Variants in ETV1 observed in about 807,000 individuals in gnomAD.
ETV1 encodes ETS variant transcription factor 1.
A neutral mutation model predicts 62.3 loss-of-function variants in ETV1; 27 were observed. The observed-to-expected ratio is 0.43, with a 90% CI of 0.32 to 0.60. The LOEUF is 0.60. Among genes scored for constraint, ETV1 ranks in the 20% least tolerant of loss-of-function variants. The pLI is 0.06. For missense variants in ETV1, 605 were observed against 605.8 expected, an observed-to-expected ratio of 1.00 and a Z score of 0.01; for synonymous variants, 222 against 199.6, an observed-to-expected ratio of 1.11 and a Z score of -0.94.
chr7:13,960,403 T>G (rs1408399928), intron 6 of ETV1, among the ~76,000 whole-genome samples: 12 of 152,186 alleles, frequency 7.9e-5, no homozygotes, highest in Admixed American at 7.9e-4. Context: ...ACTGAGTTAT[T>G]CAATACTCAT....
chr7:13,973,500 A>G (rs1781104157), intron 6 of ETV1, among the ~76,000 whole-genome samples: 1 of 152,198 alleles, frequency 6.6e-6, no homozygotes, highest in Non-Finnish European at 1.5e-5. Context: ...AATCCTCTTT[A>G]GTATCTAATA....
Position 13,896,054 on chromosome 7 carries a change from A to G in ETV1, c.1246T>C (p.Cys416Arg). The change falls in exon 14 of 14, where the codon TGT becomes CGT. Residue 416 changes from cysteine to arginine, a missense_variant. Physicochemically the swap from Cys to Arg is radical, Grantham distance 180. Around this residue, in one of 3 missense-constraint regions of ETV1, gnomAD observed 100 missense variants for 156.4 expected, o/e 0.64. Coordinates refer to ENST00000430479, the MANE Select transcript of ETV1 (RefSeq NM_004956.5). ...AGERYVYKFVCDPEALFSMAF... is the reference protein window; with the variant it reads ...AGERYVYKFVRDPEALFSMAF... ...ATGGAGAAAAGGGCTTCTGGATCAC[A>G]CACAAACTTGTAGACATATCTCTCT... 1 of 1,613,720 alleles carries G rather than the reference A, an allele frequency of 6.2e-7. No individual in the cohort carries two copies. Among genetic ancestry groups the G allele is most frequent in the Non-Finnish European group, 8.5e-7 (1 of 1,179,832 alleles).
At chr7:13,948,012 C>T (rs1420384089) in intron 6 of ETV1, among the ~76,000 whole-genome samples, 6 of 152,188 alleles carry the variant, frequency 3.9e-5, no homozygotes, top group Non-Finnish European at 8.8e-5. Flanking sequence ...GTACTATATT[C>T]TTGGCACGTG....
At chr7:13,932,464 C>G (rs1262909979) in intron 8 of ETV1, among the ~76,000 whole-genome samples, 1 of 152,104 alleles carries the variant, frequency 6.6e-6, no homozygotes, top group East Asian at 1.9e-4. Context: ...TAAAAATAAG[C>G]ATAAATGCAC....
intron 7 of ETV1, among the ~76,000 whole-genome samples, chr7:13,937,425 G>A (rs548425729): frequency 8.5e-5 from 13 of 152,314 alleles, no homozygotes; most frequent in South Asian, 2.1e-4. Flanking sequence ...TCTGTATAGC[G>A]ATGGAAGTAC....
chr7:13,952,095 G>C (rs1788888597), intron 6 of ETV1, among the ~76,000 whole-genome samples: 1 of 152,104 alleles, frequency 6.6e-6, no homozygotes, highest in African/African-American at 2.4e-5. Context: ...TTAGGACAAG[G>C]TATCCCGACA....
At chr7:13,987,204 G>C (rs3823707) in intron 4 of ETV1, among the ~76,000 whole-genome samples, 86,906 of 151,776 alleles carry the variant, frequency 0.57, 25,209 homozygotes, top group African/African-American at 0.63. Context: ...TCAAATACAA[G>C]TTTTTAGAGG....
intron 6 of ETV1, among the ~76,000 whole-genome samples, chr7:13,954,072 T>C (rs1223326278): frequency 6.6e-6 from 1 of 152,136 alleles, no homozygotes; most frequent in Non-Finnish European, 1.5e-5. Context: ...GACTACCAAA[T>C]ACTAATATGC....
Position 13,893,849 on chromosome 7 carries a change from T to G in ETV1, c.*2017A>C. The stretch of plus-strand genomic sequence containing the variant: ...AGTGGGGAGAAAAGGTTCTGATTTT[T>G]AAGGCATAGTTTTCTTTTTTAGGCC... On this transcript the variant is annotated 3_prime_UTR_variant, in exon 14 of 14. Transcript: ENST00000430479. The G allele has an allele frequency of 4.3e-6, 1 of 233,208 alleles. No individual in the cohort carries two copies. The allele number at this position is 233,208 out of a possible 1,614,324, so 14.4% of individuals were successfully genotyped here. A position where few individuals can be genotyped will look rare whatever the true frequency, so the allele number is the denominator to read the frequency against.
chr7:13,908,025 G>T (rs539111882), intron 11 of ETV1, among the ~76,000 whole-genome samples: 1 of 151,982 alleles, frequency 6.6e-6, no homozygotes, highest in Non-Finnish European at 1.5e-5. Context: ...GGGAGTAACT[G>T]AGTAATTATG....
At chr7:13,943,784 G>A (rs747011976) in intron 6 of ETV1, among the ~76,000 whole-genome samples, 27 of 152,066 alleles carry the variant, frequency 1.8e-4, no homozygotes, top group Non-Finnish European at 2.8e-4. Flanking sequence ...TCTGGGTGGT[G>A]GTTATATGGA....
intron 6 of ETV1, among the ~76,000 whole-genome samples, chr7:13,941,168 T>C (rs1169089595): frequency 6.6e-6 from 1 of 152,202 alleles, no homozygotes; most frequent in Non-Finnish European, 1.5e-5. Flanking sequence ...AGAAAAGGCT[T>C]AAGAGCCTCA....
intron 8 of ETV1, among the ~76,000 whole-genome samples, chr7:13,932,836 T>A (rs78480440): frequency 0.027 from 4,054 of 152,290 alleles, 149 homozygotes; most frequent in African/African-American, 0.088. Flanking sequence ...AAAGTTAGCA[T>A]TTAATTTCGG....
chr7:13,946,111 C>T (rs1411699537), intron 6 of ETV1, among the ~76,000 whole-genome samples: 1 of 152,208 alleles, frequency 6.6e-6, no homozygotes, highest in African/African-American at 2.4e-5. Flanking sequence ...TTGACTCCTT[C>T]ATTTCATTTG....
intron 6 of ETV1, among the ~76,000 whole-genome samples, chr7:13,964,853 A>G (rs1790600613): frequency 6.6e-6 from 1 of 152,112 alleles, no homozygotes; most frequent in African/African-American, 2.4e-5. Flanking sequence ...AGGGTGTACA[A>G]TCTTTCTTTT....
At chr7:13,981,926 G>A (rs76622003) in intron 5 of ETV1, among the ~76,000 whole-genome samples, 1,865 of 152,100 alleles carry the variant, frequency 0.012, 43 homozygotes, top group African/African-American at 0.043. Context: ...ATAATCATGA[G>A]TCCACTAAGC....
intron 9 of ETV1, among the ~76,000 whole-genome samples, chr7:13,920,112 C>T (rs375490812): frequency 2.8e-4 from 42 of 152,136 alleles, no homozygotes; most frequent in African/African-American, 9.6e-4. Flanking sequence ...TGCCTTTTTC[C>T]AAGCTAGTAC....
At chr7:13,984,147 A>G (rs986452621) in intron 5 of ETV1, among the ~76,000 whole-genome samples, 1 of 152,008 alleles carries the variant, frequency 6.6e-6, no homozygotes, top group East Asian at 1.9e-4. Flanking sequence ...AGGTTTTTAG[A>G]CCTGTTTAAC....
intron 5 of ETV1, among the ~76,000 whole-genome samples, chr7:13,978,244 A>G (rs1156371370): frequency 6.6e-6 from 1 of 152,174 alleles, no homozygotes; most frequent in African/African-American, 2.4e-5. Flanking sequence ...AAAATACTGA[A>G]TAGCAAGGAC....
Sources: allele counts gnomAD v4.1 joint callset (sites outside exome capture counted in the v4.1 genomes callset), GRCh38; gene constraint gnomAD v4.1.1; regional missense constraint gnomAD v4.1.1; transcripts MANE v1.5; gene names NCBI Gene and HGNC (gene_info 2026-07-23, HGNC 2026-07-21).